The following PPP3CA variants were observed in gnomAD, a reference collection of about 807,000 sequenced individuals.
PPP3CA encodes protein phosphatase 3 catalytic subunit alpha, also known as CAM-PRP catalytic subunit.
A neutral mutation model predicts 66.5 loss-of-function variants in PPP3CA; 14 were observed. That is an observed-to-expected ratio of 0.21 (90% CI 0.14 to 0.33). The LOEUF is 0.33. Ranked by LOEUF, PPP3CA falls within the 10% of genes least tolerant of loss-of-function variation. The pLI is 1.00. For missense variants in PPP3CA, 317 were observed against 639.5 expected (o/e 0.50, Z 5.44); for synonymous variants, 232 against 226.2 (o/e 1.03, Z -0.23).
chr4:101,025,421 A>C lies in PPP3CA; in HGVS notation c.*444T>G, dbSNP rs563220887. The C allele has an allele frequency of 6.6e-6, 1 of 151,784 alleles. No individual in the cohort carries two copies. The highest frequency in any genetic ancestry group is 2.1e-4 in the South Asian group (1 of 4,784). The allele number at this position is 151,784 out of a possible 1,614,324, so 9.4% of individuals were successfully genotyped here. On this transcript the variant is annotated 3_prime_UTR_variant, in exon 14 of 14. Coordinates refer to ENST00000394854, the MANE Select transcript of PPP3CA (RefSeq NM_000944.5). The stretch of plus-strand genomic sequence containing the variant: ...TACATCATTTTGTTAAAAATGTTTG[A>C]TGTCATCCATTTTTAGTGCTGCGAC...
In PPP3CA at chr4:101,147,312, A is replaced by G. The variant is rs548777533; in HGVS notation, c.260-38234T>C. Reference sequence around the variant, plus strand: ...TGGCTTAATTTCCTTTATACTTTTTACTGTAAAAGGTTGCCATGTTGTTCA... The same window carrying G: ...TGGCTTAATTTCCTTTATACTTTTTGCTGTAAAAGGTTGCCATGTTGTTCA... On this transcript the variant is annotated intron_variant, in intron 2 of 13. Transcript: ENST00000394854. 1.5e-4 allele frequency among the ~76,000 whole-genome samples: 23 copies of G among 152,278 alleles called. No homozygotes were observed. In the South Asian group the frequency reaches 4.1e-3, roughly 27 times the overall value.
At chr4:101,121,177 G>A (rs913628812) in intron 2 of PPP3CA, among the ~76,000 whole-genome samples, 2 of 152,044 alleles carry the variant, frequency 1.3e-5, no homozygotes, top group Non-Finnish European at 2.9e-5. Context: ...AAAAAGATCA[G>A]TCAGGATTAT....
At chr4:101,211,777 A>G (rs1725306945) in intron 1 of PPP3CA, among the ~76,000 whole-genome samples, 1 of 152,154 alleles carries the variant, frequency 6.6e-6, no homozygotes, top group African/African-American at 2.4e-5. Flanking sequence ...TTTACTCTTT[A>G]AAAAGCATGT....
At chr4:101,254,865 A>G (rs921971596) in intron 1 of PPP3CA, among the ~76,000 whole-genome samples, 5 of 151,770 alleles carry the variant, frequency 3.3e-5, no homozygotes, top group African/African-American at 1.2e-4. Context: ...TTCTCTCCCT[A>G]AACTACTACA....
At chr4:101,332,715 G>A (rs984446236) in intron 1 of PPP3CA, among the ~76,000 whole-genome samples, 2 of 152,144 alleles carry the variant, frequency 1.3e-5, no homozygotes, top group Non-Finnish European at 2.9e-5. Flanking sequence ...TATTCCTCTC[G>A]TCGTTACAAC....
intron 1 of PPP3CA, among the ~76,000 whole-genome samples, chr4:101,200,450 G>A (rs1397595092): frequency 6.6e-6 from 1 of 151,990 alleles, no homozygotes; most frequent in Non-Finnish European, 1.5e-5. Context: ...CATGTAACCT[G>A]GGATGTATAA....
At chr4:101,106,252 T>A (rs1169094127) in intron 3 of PPP3CA, among the ~76,000 whole-genome samples, 1 of 151,260 alleles carries the variant, frequency 6.6e-6, no homozygotes, top group Middle Eastern at 3.4e-3. Flanking sequence ...GACAGGCAGA[T>A]TGAAGCTGCA....
At chr4:101,123,568 C>G (rs563807182) in intron 2 of PPP3CA, among the ~76,000 whole-genome samples, 1 of 152,248 alleles carries the variant, frequency 6.6e-6, no homozygotes, top group African/African-American at 2.4e-5. Flanking sequence ...CAGTGGCTCA[C>G]GCCTATAATC....
chr4:101,055,426 G>C (rs903360810), intron 10 of PPP3CA, among the ~76,000 whole-genome samples: 2 of 152,018 alleles, frequency 1.3e-5, no homozygotes, highest in African/African-American at 4.8e-5. Context: ...TTCGAAATAA[G>C]AAGTGGAAAC....
At chr4:101,193,758 T>C (rs1724693124) in intron 2 of PPP3CA, among the ~76,000 whole-genome samples, 1 of 150,832 alleles carries the variant, frequency 6.6e-6, no homozygotes, top group Non-Finnish European at 1.5e-5. Flanking sequence ...TTATGAACAC[T>C]TGAAGAGAAA....
Position 101,310,003 on chromosome 4 carries a change from A to T in PPP3CA, c.58+36736T>A, listed in dbSNP as rs1218788338. ...CAAATGAAAAGATCAGTGTGTAAAT[A>T]AAGAGAAAACCCAATCAATTATCAT... On this transcript the variant is annotated intron_variant, in intron 1 of 13. Coordinates refer to ENST00000394854, the MANE Select transcript of PPP3CA (RefSeq NM_000944.5). Among the ~76,000 whole-genome samples, 4 of 152,218 alleles carry T rather than the reference A, an allele frequency of 2.6e-5. No homozygotes were observed. The East Asian group carries it at 7.7e-4, about 29-fold the overall frequency.
At chr4:101,165,998 C>A (rs1723682778) in intron 2 of PPP3CA, among the ~76,000 whole-genome samples, 1 of 152,082 alleles carries the variant, frequency 6.6e-6, no homozygotes, top group African/African-American at 2.4e-5. Flanking sequence ...CATAAGGGAT[C>A]AATTAGAATA....
intron 1 of PPP3CA, among the ~76,000 whole-genome samples, chr4:101,328,893 G>A (rs1238068420): frequency 6.6e-6 from 1 of 152,032 alleles, no homozygotes; most frequent in Non-Finnish European, 1.5e-5. Context: ...TCTGACTGCT[G>A]TGCTGACCAG....
chr4:101,129,114 T>C (rs1321075928), intron 2 of PPP3CA, among the ~76,000 whole-genome samples: 2 of 152,168 alleles, frequency 1.3e-5, no homozygotes, highest in South Asian at 2.1e-4. Context: ...CCCCTCACAG[T>C]GTAAACAAAG....
At chr4:101,091,907 GAGTA>G (rs1255725524) in intron 6 of PPP3CA, among the ~76,000 whole-genome samples, 1 of 148,208 alleles carries the variant, frequency 6.7e-6, no homozygotes, top group African/African-American at 2.5e-5. Flanking sequence ...AGAAGAGGAG[GAGTA>G]AGTATTCTAA....
intron 2 of PPP3CA, among the ~76,000 whole-genome samples, chr4:101,113,827 G>C (rs1053351828): frequency 6.6e-6 from 1 of 152,104 alleles, no homozygotes; most frequent in African/African-American, 2.4e-5. Context: ...CAAGATACTG[G>C]TGTCCAAAGA....
chr4:101,193,216 C>T lies in PPP3CA; in HGVS notation c.259+2700G>A, dbSNP rs115146994. On this transcript the variant is annotated intron_variant, in intron 2 of 13. Coordinates refer to ENST00000394854, the MANE Select transcript of PPP3CA (RefSeq NM_000944.5). ...ATTCACATGTATGTGATATATACCA[C>T]CTGTACCAGGTAAATGTATAATAAA... Among the ~76,000 whole-genome samples the T allele has an allele frequency of 8.0e-3, 1,224 of 152,312 alleles. 16 individuals are homozygous for T. Among genetic ancestry groups the T allele is most frequent in the African/African-American group, 0.028 (1,176 of 41,572 alleles).
At chr4:101,319,144 TG>T (rs1288503471) in intron 1 of PPP3CA, among the ~76,000 whole-genome samples, 1 of 147,510 alleles carries the variant, frequency 6.8e-6, no homozygotes, top group Non-Finnish European at 1.5e-5. Context: ...CTCTTAAACG[TG>T]AAGAATTCTG....
chr4:101,304,963 A>T (rs1470022426), intron 1 of PPP3CA, among the ~76,000 whole-genome samples: 3 of 152,254 alleles, frequency 2.0e-5, no homozygotes, highest in Non-Finnish European at 4.4e-5. Context: ...TGAAATGTCA[A>T]CCCACTTTAG....
Sources: allele counts gnomAD v4.1 joint callset (sites outside exome capture counted in the v4.1 genomes callset), GRCh38; gene constraint gnomAD v4.1.1; transcripts MANE v1.5; gene names NCBI Gene and HGNC (gene_info 2026-07-23, HGNC 2026-07-21).